The following PIK3C2G variants were observed in gnomAD, a reference collection of about 807,000 sequenced individuals.
PIK3C2G encodes the protein phosphatidylinositol-4-phosphate 3-kinase catalytic subunit type 2 gamma.
A neutral mutation model predicts 181.1 loss-of-function variants in PIK3C2G; 168 were observed. The observed-to-expected ratio is 0.93, with a 90% CI of 0.82 to 1.05. The LOEUF (loss-of-function observed/expected upper bound fraction) is 1.05, where lower values mean the gene tolerates loss of function less well. Among genes scored for constraint, PIK3C2G ranks in the 50% least tolerant of loss-of-function variants. The pLI is 0.00. For synonymous variants in PIK3C2G, 573 were observed against 592.2 expected (o/e 0.97, Z 0.47); for missense variants, 1,869 against 1,732.8 (o/e 1.08, Z -1.40).
intron 24 of PIK3C2G, among the ~76,000 whole-genome samples, chr12:18,523,556 T>C (rs952545384): frequency 5.9e-5 from 9 of 152,204 alleles, no homozygotes; most frequent in Non-Finnish European, 1.2e-4. Flanking sequence ...AACAAGAGCA[T>C]TGGGCTCAGT....
intron 4 of PIK3C2G, among the ~76,000 whole-genome samples, chr12:18,292,311 A>C (rs935865828): frequency 6.7e-6 from 1 of 148,434 alleles, no homozygotes; most frequent in Admixed American, 6.8e-5. Context: ...GGAATATATG[A>C]AAAACACAAA....
At chr12:18,518,673 A>G (rs1460538993) in intron 24 of PIK3C2G, among the ~76,000 whole-genome samples, 1 of 152,024 alleles carries the variant, frequency 6.6e-6, no homozygotes, top group Non-Finnish European at 1.5e-5. Flanking sequence ...AATTTTTTCA[A>G]AAAACAAGCT....
intron 8 of PIK3C2G, among the ~76,000 whole-genome samples, chr12:18,326,982 C>G (rs1206886291): frequency 6.6e-6 from 1 of 151,980 alleles, no homozygotes; most frequent in Non-Finnish European, 1.5e-5. Flanking sequence ...GAAGTTTGAT[C>G]TTATTACTTA....
chr12:18,629,665 T>G (rs1949263214), intron 31 of PIK3C2G, among the ~76,000 whole-genome samples: 1 of 152,120 alleles, frequency 6.6e-6, no homozygotes, highest in African/African-American at 2.4e-5. Context: ...GCCAAAAGTT[T>G]AGAAGTGGAG....
intron 29 of PIK3C2G, among the ~76,000 whole-genome samples, chr12:18,585,104 G>A (rs552390610): frequency 3.3e-5 from 5 of 152,176 alleles, no homozygotes; most frequent in South Asian, 2.1e-4. Context: ...TAAGTACACC[G>A]ACCAGTGACA....
the PIK3C2G span, among the ~76,000 whole-genome samples, chr12:18,663,665 A>G: frequency 5.3e-5 from 8 of 152,052 alleles, no homozygotes; most frequent in African/African-American, 1.9e-4. Flanking sequence ...CATAGGACAA[A>G]AGCTTTATGA....
At chr12:18,292,227 A>ATATATATATATATATATATAT (rs1555149103) in intron 4 of PIK3C2G, among the ~76,000 whole-genome samples, 1 of 48,746 alleles carries the variant, frequency 2.1e-5, no homozygotes, top group Non-Finnish European at 3.3e-5. Flanking sequence ...AAAAAAAAAA[A>ATATATATATATATATATATAT]ATATATATAT....
At position 18,346,834 on chromosome 12, in the gene PIK3C2G, CAGGTG is replaced by C; in HGVS notation, c.1625+1_1625+5del. ...ACAACATTCCAGAAACCTGGGTGCACAGGTGAGTGGTGGTGAGTTTTTCACAAAAG... is the reference window on the plus strand; with the variant it reads ...ACAACATTCCAGAAACCTGGGTGCACAGTGGTGGTGAGTTTTTCACAAAAG... On this transcript the variant is annotated splice_donor_variant and splice_donor_region_variant and coding_sequence_variant and intron_variant, in exon 11 of 33. Coordinates refer to ENST00000538779, the MANE Select transcript of PIK3C2G (RefSeq NM_001288772.2). LOFTEE classifies it high-confidence loss of function. The C allele has an allele frequency of 6.2e-7, 1 of 1,605,276 alleles. No individual in the cohort carries two copies. Among genetic ancestry groups the C allele is most frequent in the Non-Finnish European group, 8.5e-7 (1 of 1,174,518 alleles).
intron 5 of PIK3C2G, among the ~76,000 whole-genome samples, chr12:18,306,492 C>CAAAG (rs1950426152): frequency 6.6e-6 from 1 of 152,022 alleles, no homozygotes; most frequent in African/African-American, 2.4e-5. Flanking sequence ...GTATCACTGA[C>CAAAG]CTTTATCTAT....
intron 16 of PIK3C2G, among the ~76,000 whole-genome samples, chr12:18,414,513 CT>C (rs1387072183): frequency 4.0e-5 from 6 of 151,800 alleles, no homozygotes; most frequent in Non-Finnish European, 5.9e-5. Flanking sequence ...TTTCATTAAA[CT>C]TTTTTACTAT....
At chr12:18,385,159 C>A (rs1943082745) in intron 14 of PIK3C2G, among the ~76,000 whole-genome samples, 1 of 152,098 alleles carries the variant, frequency 6.6e-6, no homozygotes, top group African/African-American at 2.4e-5. Flanking sequence ...AACAAGTCAC[C>A]TAACCTATTT....
At chr12:18,570,010 C>T (rs1378003632) in intron 29 of PIK3C2G, among the ~76,000 whole-genome samples, 1 of 152,066 alleles carries the variant, frequency 6.6e-6, no homozygotes, top group Non-Finnish European at 1.5e-5. Flanking sequence ...TCCCTTTGCT[C>T]TATCATGTCT....
At chr12:18,599,762 T>A (rs917766092) in intron 30 of PIK3C2G, among the ~76,000 whole-genome samples, 2 of 151,502 alleles carry the variant, frequency 1.3e-5, no homozygotes, top group African/African-American at 2.4e-5. Context: ...AATATAGCCA[T>A]AGGTATATTA....
At chr12:18,504,714 TTAATGA>T (rs1392480704) in intron 23 of PIK3C2G, among the ~76,000 whole-genome samples, 1 of 152,198 alleles carries the variant, frequency 6.6e-6, no homozygotes, top group Non-Finnish European at 1.5e-5. Flanking sequence ...ACAAATTGAC[TTAATGA>T]TAATCTGCTT....
intron 18 of PIK3C2G, among the ~76,000 whole-genome samples, chr12:18,476,441 C>G (rs1342986652): frequency 2.6e-5 from 4 of 152,004 alleles, no homozygotes; most frequent in African/African-American, 9.7e-5. Flanking sequence ...TCTATTTTAT[C>G]CCGGGGAAGG....
intron 16 of PIK3C2G, among the ~76,000 whole-genome samples, chr12:18,418,805 T>G (rs1280098867): frequency 6.6e-6 from 1 of 152,122 alleles, no homozygotes; most frequent in Non-Finnish European, 1.5e-5. Context: ...ATGATGTATA[T>G]AATATAGAAT....
chr12:18,523,150 T>C (rs975193243), intron 24 of PIK3C2G, among the ~76,000 whole-genome samples: 24 of 152,236 alleles, frequency 1.6e-4, no homozygotes, highest in African/African-American at 5.5e-4. Context: ...ATATTTCATT[T>C]AATTTTCTAT....
chr12:18,703,203 C>T, the PIK3C2G span, among the ~76,000 whole-genome samples: 1 of 152,094 alleles, frequency 6.6e-6, no homozygotes, highest in African/African-American at 2.4e-5. Context: ...CACAATTGAA[C>T]ACATTGAGTC....
chr12:18,254,182 A>G (rs1467581992), intron 1 of PIK3C2G, among the ~76,000 whole-genome samples: 1 of 152,138 alleles, frequency 6.6e-6, no homozygotes, highest in Non-Finnish European at 1.5e-5. Context: ...ACTTTGTATT[A>G]GTTGTTGAAT....
Sources: allele counts gnomAD v4.1 joint callset (sites outside exome capture counted in the v4.1 genomes callset), GRCh38; gene constraint gnomAD v4.1.1; transcripts MANE v1.5; gene names NCBI Gene and HGNC (gene_info 2026-07-23, HGNC 2026-07-21).